GMIP: variants seen among roughly 807,000 people sequenced by gnomAD.
GMIP encodes the protein GEM-interacting protein.
Under a neutral mutation model 105.3 loss-of-function variants are expected in GMIP, and 54 were observed. The observed-to-expected ratio is 0.51, with a 90% CI of 0.41 to 0.64. GMIP has a LOEUF of 0.64. Ranked by LOEUF, GMIP falls within the 30% of genes least tolerant of loss-of-function variation. GMIP has a pLI of 0.00. For synonymous variants in GMIP, 541 were observed against 560.8 expected, an observed-to-expected ratio of 0.96 and a Z score of 0.50; for missense variants, 1,110 against 1,319.4, an observed-to-expected ratio of 0.84 and a Z score of 2.46.
At position 19,638,148 on chromosome 19, in the gene GMIP, C is replaced by G. The variant is rs200695111; in HGVS notation, c.789+11G>C. ...CCACAGCGCTACAGGGGCTCGGGGC[C>G]GGGTGCCCACCTTGGCCTGGGCCTC... On this transcript the variant is annotated intron_variant, in intron 9 of 20. Transcript: ENST00000203556. 6.3e-7 allele frequency: 1 copy of G among 1,576,732 alleles called. No individual in the cohort carries two copies.
chr19:19,633,349 C>T (rs752258957), intron 19 of GMIP, among the ~76,000 whole-genome samples: 2 of 152,194 alleles, frequency 1.3e-5, no homozygotes, highest in Admixed American at 6.5e-5. Flanking sequence ...TGTGCCACCG[C>T]GCCCAGCCAT....
chr19:19,630,069 A>C lies in GMIP; in HGVS notation c.2807T>G (p.Ile936Ser). The C allele has an allele frequency of 6.2e-7, 1 of 1,610,782 alleles. No homozygotes were observed. Among genetic ancestry groups the C allele is most frequent in the Non-Finnish European group, 8.5e-7 (1 of 1,178,776 alleles). Reference sequence around the variant, plus strand: ...GAGTAGCCGGGCTGTCTCCTGGGTAATCTCAAAATGCTTGGGCAGCGGGGT... The same window carrying C: ...GAGTAGCCGGGCTGTCTCCTGGGTACTCTCAAAATGCTTGGGCAGCGGGGT... ...RRTPLPKHFEITQETARLLSK... is the reference protein window; with the variant it reads ...RRTPLPKHFESTQETARLLSK... The change falls in exon 21 of 21, where the codon ATT becomes AGT. Residue 936 changes from isoleucine (I) to serine (S), a missense_variant. Coordinates refer to ENST00000203556, the MANE Select transcript of GMIP (RefSeq NM_016573.4). This position sits in a 1 kb window ranked among gnomAD's most constrained non-coding sequence, Gnocchi z 4.8.
Position 19,631,121 on chromosome 19 carries a change from G to C in GMIP, c.2473-584C>G, listed in dbSNP as rs1026435870. 8.6e-5 allele frequency among the ~76,000 whole-genome samples: 13 copies of C among 152,010 alleles called. 2 individuals are homozygous for C. Among genetic ancestry groups the C allele is most frequent in the Non-Finnish European group, 2.9e-5 (2 of 67,982 alleles). ...GAGGCTGAGGCAGGAGAATCGCTTG[G>C]ACCTGGGAGGTGGAGATTGCAGTGA... On this transcript the variant is annotated intron_variant, in intron 19 of 20. Coordinates refer to ENST00000203556, the MANE Select transcript of GMIP (RefSeq NM_016573.4).
Position 19,634,517 on chromosome 19 carries a change from G to A in GMIP, c.2074C>T (p.His692Tyr). ...GGGACCCATGCACACCTGAACAGAT[G>A]GGCCACCAGGTGCCGCAGGGTGTTG... ...NYNTLRHLVA[H>Y]LFRVAARFME... Residue 692 changes from histidine to tyrosine, a missense_variant, in exon 18 of 21, where the codon CAT becomes TAT. This residue lies in a region of GMIP where 394 missense variants were observed against 450.5 expected (regional missense o/e 0.87). Transcript: ENST00000203556. The surrounding 1 kb of genome is among the most constrained non-coding windows in gnomAD (Gnocchi z 6.1). 1 of 1,609,468 alleles carries A rather than the reference G, an allele frequency of 6.2e-7. No individual in the cohort carries two copies. Among genetic ancestry groups the A allele is most frequent in the Non-Finnish European group, 8.5e-7 (1 of 1,178,624 alleles).
chr19:19,633,904 G>C lies in GMIP; in HGVS notation c.2371C>G (p.Leu791Val). 6.6e-7 allele frequency: 1 copy of C among 1,519,328 alleles called. No homozygotes were observed. Among genetic ancestry groups the C allele is most frequent in the Non-Finnish European group, 8.9e-7 (1 of 1,129,516 alleles). The allele number at this position is 1,519,328 out of a possible 1,614,324, so 94.1% of individuals were successfully genotyped here. A position where few individuals can be genotyped will look rare whatever the true frequency, so the allele number is the denominator to read the frequency against. The change falls in exon 19 of 21, where the codon CTT (leucine) becomes GTT (valine). Residue 791 changes from leucine to valine, a missense_variant. Physicochemically the swap from Leu to Val is conservative, Grantham distance 32 (BLOSUM62 1). This residue lies in a region of GMIP where 394 missense variants were observed against 450.5 expected (regional missense o/e 0.87). Transcript: ENST00000203556. ...ACTGGGGGCTGGGAGTCTGGGTCAA[G>C]GTGCGGGGGTGGCGGTTGGGAGCTG... ...TTSSQPPPPH[L>V]DPDSQPPVLA...
At chr19:19,640,661 T>G in intron 4 of GMIP, 90 bp from the exon 5 acceptor site, 1 of 1,314,412 alleles carries the variant, frequency 7.6e-7, no homozygotes, top group Non-Finnish European at 1.1e-6. Context: ...GTGGCACCTG[T>G]CCTACAGCCT....
intron 1 of GMIP, 189 bp downstream of exon 1, chr19:19,643,321 AG>A (rs1335872468): frequency 2.1e-6 from 1 of 479,748 alleles, no homozygotes; most frequent in Non-Finnish European, 3.8e-6. Context: ...CAAAAGGGGG[AG>A]GGGGAGTGAA....
chr19:19,638,290 A>G lies in GMIP; in HGVS notation c.658T>C (p.Tyr220His), dbSNP rs1275954112. ...VQALRRAQLQ[Y>H]VQRSEDLRAR... ...CGCAGGTCCTCGCTGCGTTGCACAT[A>G]CTGCAGCTGGGCGCGCCGCAGTGCC... is the stretch of plus-strand genomic sequence containing the variant. Residue 220 changes from tyrosine to histidine, a missense_variant, in exon 9 of 21, where the codon TAT becomes CAT. Tyr to His is a moderately conservative substitution (Grantham distance 83). Coordinates refer to ENST00000203556, the MANE Select transcript of GMIP (RefSeq NM_016573.4). 6.2e-7 allele frequency: 1 copy of G among 1,611,846 alleles called. No individual in the cohort carries two copies. Among genetic ancestry groups the G allele is most frequent in the Non-Finnish European group, 8.5e-7 (1 of 1,179,948 alleles).
intron 7 of GMIP, among the ~76,000 whole-genome samples, chr19:19,639,026 G>A (rs2144865361): frequency 6.6e-6 from 1 of 151,852 alleles, no homozygotes; most frequent in Admixed American, 6.6e-5. Context: ...GTTGCAGTGA[G>A]CTGAGATCAT....
Position 19,637,250 on chromosome 19 carries a change from A to T in GMIP, c.1124+115T>A. The T allele has an allele frequency of 1.3e-6, 1 of 770,520 alleles. No homozygotes were observed. 47.7% of individuals were successfully genotyped at this position (770,520 alleles called of 1,614,324 possible). ...CCTATGGCCCCCGAGAGCCTGGAGT[A>T]CTAAATTCCACTAAGGCTTTGCGTT... On this transcript the variant is annotated intron_variant, in intron 11 of 20. Coordinates refer to ENST00000203556, the MANE Select transcript of GMIP (RefSeq NM_016573.4). This position sits in a 1 kb window ranked among gnomAD's most constrained non-coding sequence, Gnocchi z 6.7.
At position 19,634,285 on chromosome 19, in the gene GMIP, T is replaced by G. The variant is rs1285856738; in HGVS notation, c.2085-95A>C. 7.5e-7 allele frequency: 1 copy of G among 1,332,492 alleles called. No individual in the cohort carries two copies. The highest frequency in any genetic ancestry group is 2.5e-5 in the East Asian group (1 of 40,252). The allele number at this position is 1,332,492 out of a possible 1,614,324, so 82.5% of individuals were successfully genotyped here. A position where few individuals can be genotyped will look rare whatever the true frequency, so the allele number is the denominator to read the frequency against. ...ACACGCAGGCCAGCCTAGAGGTGAC[T>G]TGCCCATGTCACAGGTGTAAGTCGT... On this transcript the variant is annotated intron_variant, in intron 18 of 20. Coordinates refer to ENST00000203556, the MANE Select transcript of GMIP (RefSeq NM_016573.4). The surrounding 1 kb of genome is among the most constrained non-coding windows in gnomAD (Gnocchi z 6.1).
At chr19:19,631,518 C>T (rs2061795220) in intron 19 of GMIP, among the ~76,000 whole-genome samples, 3 of 152,228 alleles carry the variant, frequency 2.0e-5, no homozygotes, top group Admixed American at 6.5e-5. Flanking sequence ...CAGCCGCTTC[C>T]CAGCTCTGGG....
rs1287441797 is a variant in GMIP at position 19,637,722 on chromosome 19, G to T, written c.928-161C>A. ...CAGTCGGCCAGGGGACCCAGGCATGGTCAGAGCAGGGGCTGGTCATCCAGG... is the reference window on the plus strand; with the variant it reads ...CAGTCGGCCAGGGGACCCAGGCATGTTCAGAGCAGGGGCTGGTCATCCAGG... On this transcript the variant is annotated intron_variant, in intron 10 of 20. Transcript: ENST00000203556. The surrounding 1 kb of genome is among the most constrained non-coding windows in gnomAD (Gnocchi z 6.7). Among the ~76,000 whole-genome samples the T allele has an allele frequency of 2.0e-5, 3 of 152,198 alleles. No homozygotes were observed. The highest frequency in any genetic ancestry group is 2.0e-4 in the Admixed American group (3 of 15,290).
At chr19:19,632,465 C>T (rs112013573) in intron 19 of GMIP, among the ~76,000 whole-genome samples, 4,514 of 151,842 alleles carry the variant, frequency 0.03, 238 homozygotes, top group African/African-American at 0.1. Context: ...ACCCGGGAGG[C>T]GGAGGTTGTG....
chr19:19,638,178 C>T lies in GMIP; in HGVS notation c.770G>A (p.Arg257Gln), dbSNP rs746263768. ...SKQQERRRRS[R>Q]EEAQAKAQEA... ...GCCCACCTTGGCCTGGGCCTCCTCT[C>T]GCGAGCGCCGCCGCCGCTCCTGCTG... Residue 257 changes from arginine (R) to glutamine (Q), a missense_variant, in exon 9 of 21, where the codon CGA (arginine) becomes CAA (glutamine). Transcript: ENST00000203556. 1.3e-6 allele frequency: 2 copies of T among 1,584,724 alleles called. No individual in the cohort carries two copies. The highest frequency in any genetic ancestry group is 1.7e-5 in the Admixed American group (1 of 58,088).
rs201153425 is a variant in GMIP, at chr19:19,641,958, C to A, written c.180+18G>T. 3.3e-5 allele frequency: 53 copies of A among 1,607,496 alleles called. No individual in the cohort carries two copies. Among genetic ancestry groups the A allele is most frequent in the Non-Finnish European group, 4.0e-5 (47 of 1,174,184 alleles). On this transcript the variant is annotated intron_variant, in intron 3 of 20. Coordinates refer to ENST00000203556, the MANE Select transcript of GMIP (RefSeq NM_016573.4). ...TCTGCTTGAGGTCTTCCTCCCTGTTCCCCTACTCCCCACTCACAACAGTGG... is the reference window on the plus strand; with the variant it reads ...TCTGCTTGAGGTCTTCCTCCCTGTTACCCTACTCCCCACTCACAACAGTGG...
intron 2 of GMIP, 139 bp from the exon 3 acceptor site, chr19:19,642,190 T>C: frequency 1.6e-6 from 1 of 610,588 alleles, no homozygotes. Context: ...AGAATGGTGT[T>C]TTGGGGGAAT....
At position 19,638,436 on chromosome 19, in the gene GMIP, A is replaced by T. The variant is rs2061881863; in HGVS notation, c.584T>A (p.Phe195Tyr). 1 of 1,613,932 alleles carries T rather than the reference A, an allele frequency of 6.2e-7. No homozygotes were observed. The highest frequency in any genetic ancestry group is 1.3e-5 in the African/African-American group (1 of 74,872). Residue 195 changes from phenylalanine (F) to tyrosine (Y), a missense_variant, in exon 8 of 21, where the codon TTC becomes TAC. Coordinates refer to ENST00000203556, the MANE Select transcript of GMIP (RefSeq NM_016573.4). ...CTGCTCCTTCATCCACTGCTCCTTG[A>T]ACTCCTTCCGCCACTTCTCAATCTC... ...RTEIEKWRKE[F>Y]KEQWMKEQKR...
chr19:19,630,581 C>CAAAGAACTGGGATTTT lies in GMIP; in HGVS notation c.2473-45_2473-44insAAAATCCCAGTTCTTT. 6.5e-7 allele frequency: 1 copy of CAAAGAACTGGGATTTT among 1,538,106 alleles called. No individual in the cohort carries two copies. Among genetic ancestry groups the CAAAGAACTGGGATTTT allele is most frequent in the Non-Finnish European group, 9.0e-7 (1 of 1,110,996 alleles). ...GAATGAGACCCCAACACTAAAATCC[C>CAAAGAACTGGGATTTT]AGTTCTTTGAGATTCCTGGAGAGCC... On this transcript the variant is annotated intron_variant, in intron 19 of 20. Coordinates refer to ENST00000203556, the MANE Select transcript of GMIP (RefSeq NM_016573.4). This position sits in a 1 kb window ranked among gnomAD's most constrained non-coding sequence, Gnocchi z 4.8.
Sources: gnomAD v4.1 joint callset for allele counts (sites outside exome capture counted in the v4.1 genomes callset) on GRCh38, gnomAD v4.1.1 for gene constraint, gnomAD v4.1.1 regional missense constraint, Gnocchi (gnomAD v3.1) non-coding constraint, MANE v1.5 for transcripts, NCBI Gene and HGNC (gene_info 2026-07-23, HGNC 2026-07-21) for gene names.